Variants in FAM151A observed in about 807,000 individuals in gnomAD.
FAM151A encodes protein FAM151A.
Under a neutral mutation model 40.4 loss-of-function variants are expected in FAM151A, and 41 were observed. That is an observed-to-expected ratio of 1.01 (90% CI 0.79 to 1.32). FAM151A has a LOEUF of 1.32. FAM151A is among the 40% of genes most tolerant of loss of function. The pLI is 0.00. For synonymous variants in FAM151A, 337 were observed against 312.5 expected (o/e 1.08, Z -0.83); for missense variants, 740 against 740.4 (o/e 1.00, Z 0.01).
Position 54,619,932 on chromosome 1 carries a change from C to A in FAM151A, c.194G>T (p.Arg65Leu), listed in dbSNP as rs147294199. 2 of 1,614,064 alleles carry A rather than the reference C, an allele frequency of 1.2e-6. No individual in the cohort carries two copies. The highest frequency in any genetic ancestry group is 1.7e-6 in the Non-Finnish European group (2 of 1,180,052). The change falls in exon 2 of 8, where the codon CGA becomes CTA. Residue 65 changes from arginine to leucine, a missense_variant. Physicochemically the swap from Arg to Leu is moderately radical, Grantham distance 102. Transcript: ENST00000302250. The part of the protein sequence containing the change: ...YLLSLGQISR[R>L]DALEVTWYHA... ...GTACCAGGTGACCTCCAAGGCATCT[C>A]GCCGGCTGATCTGGCCCAGGCTCAG... is the stretch of plus-strand genomic sequence containing the variant.
At chr1:54,620,091 G>C in intron 1 of FAM151A, 84 bp from the exon 2 acceptor site, 1 of 1,447,624 alleles carries the variant, frequency 6.9e-7, no homozygotes. Context: ...ACCCTCCCTG[G>C]GCTCCCACTG....
At chr1:54,609,981 G>A (rs754667942) in intron 7 of FAM151A, 40 bp from the exon 8 acceptor site, 8 of 1,575,050 alleles carry the variant, frequency 5.1e-6, no homozygotes, top group South Asian at 4.7e-5. Flanking sequence ...TAGGATTTGG[G>A]TTATCATAAG....
intron 1 of FAM151A, 52 bp downstream of exon 1, chr1:54,623,226 G>A (rs1644248194): frequency 8.4e-7 from 1 of 1,197,388 alleles, no homozygotes; most frequent in Admixed American, 1.7e-5. Flanking sequence ...GTGGGGATAA[G>A]GAGCGAGCGA....
At chr1:54,615,365 A>C (rs1020355316) in intron 3 of FAM151A, among the ~76,000 whole-genome samples, 2 of 152,164 alleles carry the variant, frequency 1.3e-5, no homozygotes, top group Non-Finnish European at 2.9e-5. Context: ...GGCCAAGATC[A>C]CACTTTTTCC....
At chr1:54,611,496 C>A in intron 6 of FAM151A, 110 bp downstream of exon 6, 1 of 1,134,678 alleles carries the variant, frequency 8.8e-7, no homozygotes, top group Non-Finnish European at 1.3e-6. Context: ...TGTCCCACCC[C>A]GGCCTTCCCC....
At chr1:54,611,579 A>G (rs1339759814) in intron 6 of FAM151A, 27 bp downstream of exon 6, 1 of 1,611,838 alleles carries the variant, frequency 6.2e-7, no homozygotes, top group East Asian at 2.2e-5. Context: ...TCCAGCCCAC[A>G]CCACCCTTCC....
At chr1:54,610,579 G>T in intron 6 of FAM151A, 24 bp from the exon 7 acceptor site, 1 of 1,604,756 alleles carries the variant, frequency 6.2e-7, no homozygotes, top group East Asian at 2.2e-5. Context: ...AATCGCCAAG[G>T]TGAAGTGGCT....
intron 7 of FAM151A, 145 bp downstream of exon 7, chr1:54,610,267 C>CCG: frequency 6.7e-7 from 1 of 1,487,340 alleles, no homozygotes; most frequent in Non-Finnish European, 8.9e-7. Flanking sequence ...CTCTCCCTCC[C>CCG]CGCAACCCTG....
intron 4 of FAM151A, 48 bp downstream of exon 4, chr1:54,614,652 T>C: frequency 6.4e-7 from 1 of 1,566,154 alleles, no homozygotes; most frequent in Non-Finnish European, 8.7e-7. Context: ...TGGTAGGTGT[T>C]GACAGAAGAG....
intron 6 of FAM151A, chr1:54,610,896 C>T (rs763082507): frequency 4.9e-4 from 481 of 985,122 alleles, no homozygotes; most frequent in Non-Finnish European, 5.6e-4. Context: ...CTTCTGGGTT[C>T]GGGGTCAAGG....
Position 54,609,687 on chromosome 1 carries a change from T to C in FAM151A, c.1339A>G (p.Ile447Val). 1 of 1,613,866 alleles carries C rather than the reference T, an allele frequency of 6.2e-7. No homozygotes were observed. Among genetic ancestry groups the C allele is most frequent in the South Asian group, 1.1e-5 (1 of 91,078 alleles). ...LHWPVWVGAK[I>V]SHGSFSVPGH... ...GGGACCGAAAAACTCCCGTGGGAGA[T>C]TTTGGCCCCAACCCACACAGGCCAA... The change falls in exon 8 of 8, where the codon ATC becomes GTC. Residue 447 changes from isoleucine (I) to valine (V), a missense_variant. By Grantham distance (29) the Ile-to-Val change is conservative. Transcript: ENST00000302250.
rs1427743708 is a variant in FAM151A at position 54,612,623 on chromosome 1, CCT to C, written c.661_662del (p.Arg221AspfsTer45). 6.2e-7 allele frequency: 1 copy of C among 1,614,096 alleles called. No homozygotes were observed. Among genetic ancestry groups the C allele is most frequent in the South Asian group, 1.1e-5 (1 of 91,078 alleles). On this transcript the variant is annotated frameshift_variant, in exon 5 of 8. Transcript: ENST00000302250. LOFTEE classifies it high-confidence loss of function. ...TTFYMSTSPN[R>X]TYTQAMVEKM... ...TCTCCACCATGGCTTGGGTGTACGT[CCT>C]GTTTGGGGACGTGGACATGTAGAAG... is the stretch of plus-strand genomic sequence containing the variant.
intron 1 of FAM151A, among the ~76,000 whole-genome samples, chr1:54,621,113 A>G (rs1341360364): frequency 6.6e-6 from 1 of 151,296 alleles, no homozygotes; most frequent in Non-Finnish European, 1.5e-5. Flanking sequence ...TGAGCCGGAG[A>G]TCATGCCACT....
rs780590432 is a variant in FAM151A at position 54,609,255 on chromosome 1, C to G, written c.*13G>C. The G allele has an allele frequency of 1.3e-6, 2 of 1,596,134 alleles. No homozygotes were observed. Among genetic ancestry groups the G allele is most frequent in the Admixed American group, 1.7e-5 (1 of 58,866 alleles). Reference sequence around the variant, plus strand: ...TCCGCCCTGAGGTCCGCTGGCCCACCACCCCTGGGTGCTCAGTTTCTACCA... The same window carrying G: ...TCCGCCCTGAGGTCCGCTGGCCCACGACCCCTGGGTGCTCAGTTTCTACCA... On this transcript the variant is annotated 3_prime_UTR_variant, in exon 8 of 8. Transcript: ENST00000302250.
rs1644095077 is a variant in FAM151A at position 54,609,879 on chromosome 1, GCACGGGGTTTTCAGC to G, written c.1132_1146del (p.Ala378_Val382del). The G allele has an allele frequency of 6.2e-7, 1 of 1,613,226 alleles. No individual in the cohort carries two copies. Among genetic ancestry groups the G allele is most frequent in the South Asian group, 1.1e-5 (1 of 91,090 alleles). ...TTGCCACTTGGAGTATGAACAATGG[GCACGGGGTTTTCAGC>G]CACAGTTCCCTCGAGGCCAGTGTTC... On this transcript the variant is annotated inframe_deletion, in exon 8 of 8. Transcript: ENST00000302250.
Position 54,611,679 on chromosome 1 carries a change from C to T in FAM151A, c.867G>A (p.Arg289=). The change falls in exon 6 of 8, where the codon CGG becomes CGA. Residue 289 remains arginine (R), a synonymous_variant. Coordinates refer to ENST00000302250, the MANE Select transcript of FAM151A (RefSeq NM_176782.3). ...AGACTTGGTGGACAGCAGTGTTATC[C>T]CGGACGTAGAGCAGATCTTCCACCG... The part of the protein sequence containing the change: ...PMSVEDLLYV[R]DNTAVHQVYY... The T allele has an allele frequency of 6.2e-7, 1 of 1,614,070 alleles. No homozygotes were observed. The highest frequency in any genetic ancestry group is 8.5e-7 in the Non-Finnish European group (1 of 1,179,988).
At chr1:54,612,357 CA>C (rs1485942658) in intron 5 of FAM151A, 128 bp downstream of exon 5, 17 of 656,844 alleles carry the variant, frequency 2.6e-5, no homozygotes, top group Non-Finnish European at 4.5e-5. Context: ...AGGGACTCTG[CA>C]GAGGGCATGA....
chr1:54,612,404 CCCTT>C, intron 5 of FAM151A, 78 bp downstream of exon 5: 1 of 1,018,110 alleles, frequency 9.8e-7, no homozygotes, highest in Non-Finnish European at 1.5e-6. Context: ...ACCTTTAAGA[CCCTT>C]CCAGCCATGA....
chr1:54,617,859 G>A (rs918440452), intron 2 of FAM151A, among the ~76,000 whole-genome samples: 14 of 151,756 alleles, frequency 9.2e-5, no homozygotes, highest in African/African-American at 2.7e-4. Context: ...GAGTAGCTGG[G>A]ACTACAGGTA....
Sources: gnomAD v4.1 joint callset for allele counts (sites outside exome capture counted in the v4.1 genomes callset) on GRCh38, gnomAD v4.1.1 for gene constraint, MANE v1.5 for transcripts, NCBI Gene and HGNC (gene_info 2026-07-23, HGNC 2026-07-21) for gene names.